GPATCH2L: variants seen among roughly 807,000 people sequenced by gnomAD.
GPATCH2L encodes the protein G patch domain-containing protein 2-like.
Under a neutral mutation model 57.4 loss-of-function variants are expected in GPATCH2L, and 31 were observed. The observed-to-expected ratio is 0.54, with a 90% CI of 0.41 to 0.73. The LOEUF is 0.73. Among genes scored for constraint, GPATCH2L ranks in the 30% least tolerant of loss-of-function variants. GPATCH2L has a pLI of 0.00. For synonymous variants in GPATCH2L, 199 were observed against 210.7 expected (o/e 0.94, Z 0.48); for missense variants, 481 against 599.9 (o/e 0.80, Z 2.07).
intron 1 of GPATCH2L, among the ~76,000 whole-genome samples, chr14:76,221,723 A>C (rs1167953567): frequency 6.6e-6 from 1 of 152,252 alleles, no homozygotes; most frequent in Non-Finnish European, 1.5e-5. Flanking sequence ...GAAAGAAGCC[A>C]ATCTGAAAAG....
At chr14:76,184,234 C>A (rs1183698356) in intron 8 of GPATCH2L, among the ~76,000 whole-genome samples, 1 of 152,168 alleles carries the variant, frequency 6.6e-6, no homozygotes, top group Non-Finnish European at 1.5e-5. Context: ...AATGGCCCTA[C>A]TGCCTCTTGG....
Position 76,210,108 on chromosome 14 carries a change from T to G in GPATCH2L, c.*8257T>G, listed in dbSNP as rs564522552. 6.6e-6 allele frequency: 1 copy of G among 152,190 alleles called. No individual in the cohort carries two copies. The highest frequency in any genetic ancestry group is 1.5e-5 in the Non-Finnish European group (1 of 68,038). 9.4% of individuals were successfully genotyped at this position (152,190 alleles called of 1,614,324 possible). On this transcript the variant is annotated 3_prime_UTR_variant, in exon 10 of 10. Transcript: ENST00000261530. ...AGGATACTCCTGGGCTCCTTAGATA[T>G]ACTATCCTTGAAACTATTAGGCCCC...
intron 8 of GPATCH2L, among the ~76,000 whole-genome samples, chr14:76,192,383 T>G (rs1880411270): frequency 6.6e-6 from 1 of 152,130 alleles, no homozygotes; most frequent in Non-Finnish European, 1.5e-5. Flanking sequence ...GGAAGGGACA[T>G]AGAGAAAAAT....
rs2038140099 is a variant in GPATCH2L at position 76,153,276 on chromosome 14, A to G, written c.-10-1078A>G. Among the ~76,000 whole-genome samples the G allele has an allele frequency of 2.0e-5, 3 of 152,262 alleles. No individual in the cohort carries two copies. In the South Asian group the frequency reaches 6.2e-4, roughly 31 times the overall value. ...AAGCTGATCTTGAAATACTTTGGGC[A>G]TAGAGGCAAGAGAAAAGTGCTAAAA... On this transcript the variant is annotated intron_variant, in intron 1 of 9. Coordinates refer to ENST00000261530, the MANE Select transcript of GPATCH2L (RefSeq NM_017926.4).
Position 76,178,004 on chromosome 14 carries a change from G to C in GPATCH2L, c.1069G>C (p.Ala357Pro). The C allele has an allele frequency of 6.2e-7, 1 of 1,606,530 alleles. No individual in the cohort carries two copies. Among genetic ancestry groups the C allele is most frequent in the South Asian group, 1.1e-5 (1 of 90,908 alleles). Residue 357 changes from alanine to proline, a missense_variant, in exon 7 of 10, where the codon GCT becomes CCT. Around this residue, in one of 3 missense-constraint regions of GPATCH2L, gnomAD observed 248 missense variants for 270.5 expected, o/e 0.92. Transcript: ENST00000261530. ...TTTCTTTAGAAAGAATAAAGCGTTG[G>C]CTTCTGATTTTCCTCACATTTCTGC... ...PRQKEKNKAL[A>P]SDFPHISACA... is the part of the protein sequence containing the mutation.
intron 4 of GPATCH2L, 42 bp from the exon 5 acceptor site, chr14:76,173,504 A>G: frequency 7.6e-7 from 1 of 1,311,566 alleles, no homozygotes; most frequent in Non-Finnish European, 1.1e-6. Flanking sequence ...TTGCATATGG[A>G]TTTTCTGCAT....
chr14:76,176,857 G>T (rs1044961627), intron 6 of GPATCH2L, among the ~76,000 whole-genome samples, 167 bp downstream of exon 6: 37 of 152,084 alleles, frequency 2.4e-4, no homozygotes, highest in African/African-American at 8.2e-4. Context: ...CTGTGGCAGT[G>T]ATTTTCTTTT....
chr14:76,183,392 A>T (rs778468944), intron 8 of GPATCH2L, among the ~76,000 whole-genome samples: 18 of 152,262 alleles, frequency 1.2e-4, no homozygotes, highest in Non-Finnish European at 2.6e-4. Context: ...AGGGCAGTAG[A>T]TACCAAGTGG....
intron 1 of GPATCH2L, among the ~76,000 whole-genome samples, chr14:76,223,013 A>G (rs1166839991): frequency 6.6e-6 from 1 of 152,062 alleles, no homozygotes; most frequent in African/African-American, 2.4e-5. Flanking sequence ...ACTTTCCCAC[A>G]AAAAAATCCC....
intron 5 of GPATCH2L, chr14:76,175,046 T>C (rs914580406): frequency 1.3e-5 from 2 of 152,240 alleles, no homozygotes; most frequent in African/African-American, 4.8e-5. Context: ...AGCTTATTGT[T>C]AACAGGGATA....
chr14:76,161,078 G>T (rs2038559871), intron 2 of GPATCH2L, among the ~76,000 whole-genome samples: 1 of 152,128 alleles, frequency 6.6e-6, no homozygotes, highest in Non-Finnish European at 1.5e-5. Context: ...ATATTTCTCT[G>T]AATAACCTCT....
intron 8 of GPATCH2L, among the ~76,000 whole-genome samples, chr14:76,185,409 A>G (rs1434933403): frequency 1.3e-5 from 2 of 152,194 alleles, no homozygotes; most frequent in Non-Finnish European, 2.9e-5. Flanking sequence ...TCCCAAAATG[A>G]GAGATTTGTT....
At chr14:76,173,977 G>C (rs913129296) in intron 5 of GPATCH2L, 2 of 302,336 alleles carry the variant, frequency 6.6e-6, no homozygotes, top group Non-Finnish European at 1.2e-5. Context: ...GACTCCTCTT[G>C]AATTCATGAA....
At position 76,206,338 on chromosome 14, in the gene GPATCH2L, C is replaced by G. The variant is rs567106569; in HGVS notation, c.*4487C>G. ...CTCCAAAAGATGAACATCAAATGCC[C>G]GGAAACAGCAACATCAAAAAGAAGG... On this transcript the variant is annotated 3_prime_UTR_variant, in exon 10 of 10. Transcript: ENST00000261530. 6.6e-6 allele frequency: 1 copy of G among 152,146 alleles called. No homozygotes were observed. The highest frequency in any genetic ancestry group is 6.6e-5 in the Admixed American group (1 of 15,266). 9.4% of individuals were successfully genotyped at this position (152,146 alleles called of 1,614,324 possible).
rs574403559 is a variant in GPATCH2L at position 76,204,251 on chromosome 14, T to A, written c.*2400T>A. 6 of 152,338 alleles carry A rather than the reference T, an allele frequency of 3.9e-5. 1 individual carries two copies. The highest frequency in any genetic ancestry group is 3.9e-4 in the Admixed American group (6 of 15,300). 9.4% of individuals were successfully genotyped at this position (152,338 alleles called of 1,614,324 possible). On this transcript the variant is annotated 3_prime_UTR_variant, in exon 10 of 10. Coordinates refer to ENST00000261530, the MANE Select transcript of GPATCH2L (RefSeq NM_017926.4). Reference sequence around the variant, plus strand: ...TTATGAAACAGTATACCATGAATATTTATTATCTTTCTTGGGCATGCTTTT... The same window carrying A: ...TTATGAAACAGTATACCATGAATATATATTATCTTTCTTGGGCATGCTTTT...
In GPATCH2L at chr14:76,173,635, C is replaced by T; in HGVS notation, c.984+10C>T. 6.5e-7 allele frequency: 1 copy of T among 1,545,650 alleles called. No homozygotes were observed. Among genetic ancestry groups the T allele is most frequent in the South Asian group, 1.1e-5 (1 of 89,658 alleles). ...AAGGCTGGTTGGGAAGGTGATACCT[C>T]TCACAGTTAGCTTGGCTCAGTGGGG... On this transcript the variant is annotated intron_variant, in intron 5 of 9. Transcript: ENST00000261530.
intron 8 of GPATCH2L, among the ~76,000 whole-genome samples, chr14:76,184,574 A>G (rs2039698781): frequency 6.6e-6 from 1 of 152,222 alleles, no homozygotes; most frequent in Non-Finnish European, 1.5e-5. Flanking sequence ...AAACAAATAA[A>G]TAATTGGACC....
chr14:76,157,912 A>G (rs1403240978), intron 2 of GPATCH2L, among the ~76,000 whole-genome samples: 1 of 152,140 alleles, frequency 6.6e-6, no homozygotes, highest in African/African-American at 2.4e-5. Flanking sequence ...GCTTGCATAG[A>G]GATCAAACTA....
At chr14:76,194,870 A>G (rs1299516396) in intron 8 of GPATCH2L, among the ~76,000 whole-genome samples, 1 of 152,186 alleles carries the variant, frequency 6.6e-6, no homozygotes, top group East Asian at 1.9e-4. Flanking sequence ...TCAACAGCTA[A>G]TGAGGATCGC....
Sources: gnomAD v4.1 joint callset for allele counts (sites outside exome capture counted in the v4.1 genomes callset) on GRCh38, gnomAD v4.1.1 for gene constraint, gnomAD v4.1.1 regional missense constraint, MANE v1.5 for transcripts, NCBI Gene and HGNC (gene_info 2026-07-23, HGNC 2026-07-21) for gene names.